The following TRIM36 variants were observed in gnomAD, a reference collection of about 807,000 sequenced individuals.
TRIM36 encodes tripartite motif containing 36, also known as E3 ubiquitin-protein ligase TRIM36.
TRIM36 carries 42 observed loss-of-function variants against 72.4 expected under a neutral mutation model. That is an observed-to-expected ratio of 0.58 (90% CI 0.45 to 0.75). TRIM36 has a LOEUF of 0.75. Ranked by LOEUF, TRIM36 falls within the 30% of genes least tolerant of loss-of-function variation. The pLI, the probability that TRIM36 is intolerant of heterozygous loss-of-function variation, is 0.00. For synonymous variants in TRIM36, 315 were observed against 282.8 expected (o/e 1.11, Z -1.14); for missense variants, 913 against 857.1 (o/e 1.07, Z -0.81).
chr5:115,163,628 G>C lies in TRIM36; in HGVS notation c.152C>G (p.Thr51Ser), dbSNP rs760007138. ...CHKCVKELLLTLDDSFNDVGS... is the reference protein window; with the variant it reads ...CHKCVKELLLSLDDSFNDVGS... ...CACATCGTTGAATGAATCATCGAGA[G>C]TCAGCAGGAGTTCTTTTACACATTT... Residue 51 changes from threonine to serine, a missense_variant, in exon 2 of 10, where the codon ACT becomes AGT. Coordinates refer to ENST00000513154, the MANE Select transcript of TRIM36 (RefSeq NM_001300759.2). The C allele has an allele frequency of 1.2e-6, 2 of 1,614,176 alleles. No individual in the cohort carries two copies. Among genetic ancestry groups the C allele is most frequent in the South Asian group, 1.1e-5 (1 of 91,084 alleles).
chr5:115,163,242 C>A (rs1304230285), intron 2 of TRIM36, among the ~76,000 whole-genome samples: 1 of 152,152 alleles, frequency 6.6e-6, no homozygotes, highest in Non-Finnish European at 1.5e-5. Context: ...CAGGTGTGAG[C>A]CACTGTGCCC....
chr5:115,150,619 C>T (rs758405013), intron 2 of TRIM36, among the ~76,000 whole-genome samples: 19 of 152,122 alleles, frequency 1.2e-4, no homozygotes, highest in Non-Finnish European at 1.9e-4. Flanking sequence ...TGCTCCAGAA[C>T]GACTACAGAA....
upstream of TRIM36, among the ~76,000 whole-genome samples, chr5:115,170,605 T>C (rs1179938130): frequency 2.0e-5 from 3 of 152,234 alleles, no homozygotes; most frequent in Non-Finnish European, 2.9e-5. Flanking sequence ...AGTCCCTGAC[T>C]GGGCACCGAG....
chr5:115,147,606 A>G (rs1753665782), intron 2 of TRIM36, among the ~76,000 whole-genome samples: 2 of 152,242 alleles, frequency 1.3e-5, no homozygotes, highest in Admixed American at 1.3e-4. Context: ...TCAAACAGCA[A>G]ATCAAAAAGG....
intron 2 of TRIM36, 34 bp downstream of exon 2, chr5:115,163,484 C>T: frequency 1.3e-6 from 2 of 1,572,838 alleles, no homozygotes; most frequent in Non-Finnish European, 8.8e-7. Flanking sequence ...AGCTTACCCC[C>T]ACTACCATCC....
upstream of TRIM36, among the ~76,000 whole-genome samples, chr5:115,174,782 A>T (rs1755262578): frequency 6.6e-6 from 1 of 152,214 alleles, no homozygotes; most frequent in Admixed American, 6.5e-5. Flanking sequence ...CTTCTCGACC[A>T]TTTAAGCTTT....
chr5:115,128,988 A>G (rs965295177), intron 9 of TRIM36, among the ~76,000 whole-genome samples: 5 of 152,054 alleles, frequency 3.3e-5, no homozygotes, highest in African/African-American at 4.8e-5. Context: ...CTATAGAAGT[A>G]TACAATTTTT....
At chr5:115,169,129 C>G (rs1049874002) in intron 1 of TRIM36, 137 of 156,810 alleles carry the variant, frequency 8.7e-4, no homozygotes, top group African/African-American at 3.2e-3. Flanking sequence ...GCCGGGGCCC[C>G]GGCCCGCCCC....
intron 5 of TRIM36, 35 bp from the exon 6 acceptor site, chr5:115,137,651 A>G (rs771254559): frequency 6.6e-7 from 1 of 1,525,920 alleles, no homozygotes; most frequent in Non-Finnish European, 8.7e-7. Context: ...ACACTAAGAT[A>G]AAACAAAGAA....
Position 115,155,617 on chromosome 5 carries a change from C to CT in TRIM36, c.262+7900dup, listed in dbSNP as rs1192216690. On this transcript the variant is annotated intron_variant, in intron 2 of 9. Transcript: ENST00000513154. ...AAGCATTTGACAAAATCTAGCATCCCTTTATGATTAAAACTCTCAGCAAAA... is the reference window on the plus strand; with the variant it reads ...AAGCATTTGACAAAATCTAGCATCCCTTTTATGATTAAAACTCTCAGCAAAA... 4.6e-5 allele frequency among the ~76,000 whole-genome samples: 7 copies of CT among 152,190 alleles called. No individual in the cohort carries two copies. In the East Asian group the frequency reaches 1.3e-3, roughly 29 times the overall value.
chr5:115,126,288 C>A lies in TRIM36; in HGVS notation c.*215G>T. ...GCAAAGTTAACCACTTCAGTATTAA[C>A]TTGGAAAGAACATCTTCACTTTCAT... On this transcript the variant is annotated 3_prime_UTR_variant, in exon 10 of 10. Coordinates refer to ENST00000513154, the MANE Select transcript of TRIM36 (RefSeq NM_001300759.2). 1.9e-6 allele frequency: 1 copy of A among 519,646 alleles called. No homozygotes were observed. Among genetic ancestry groups the A allele is most frequent in the Non-Finnish European group, 3.4e-6 (1 of 294,902 alleles). 32.2% of individuals were successfully genotyped at this position (519,646 alleles called of 1,614,324 possible). A position where few individuals can be genotyped will look rare whatever the true frequency, so the allele number is the denominator to read the frequency against.
chr5:115,171,058 T>C, upstream of TRIM36: 3 of 1,612,902 alleles, frequency 1.9e-6, no homozygotes, highest in Non-Finnish European at 1.7e-6. Context: ...ATGCCCTAAA[T>C]TGCTGGGTAA....
intron 7 of TRIM36, among the ~76,000 whole-genome samples, chr5:115,136,081 G>C (rs1290303220): frequency 6.6e-6 from 1 of 152,062 alleles, no homozygotes; most frequent in Admixed American, 6.6e-5. Flanking sequence ...CAAGTGTTAT[G>C]GACTGAATTG....
intron 2 of TRIM36, among the ~76,000 whole-genome samples, chr5:115,151,358 C>T (rs531930122): frequency 2.0e-5 from 3 of 152,298 alleles, no homozygotes; most frequent in South Asian, 2.1e-4. Flanking sequence ...CCCCAATCCC[C>T]GCAGCAGCTG....
At chr5:115,165,194 C>T (rs530135272) in intron 1 of TRIM36, among the ~76,000 whole-genome samples, 6 of 152,174 alleles carry the variant, frequency 3.9e-5, no homozygotes, top group Non-Finnish European at 7.3e-5. Flanking sequence ...ATGATGAAAG[C>T]TGTTGGTGGA....
Position 115,169,878 on chromosome 5 carries a change from G to A in TRIM36, c.-244C>T, listed in dbSNP as rs1469807731. 3.8e-6 allele frequency: 5 copies of A among 1,303,224 alleles called. No individual in the cohort carries two copies. The highest frequency in any genetic ancestry group is 3.1e-5 in the African/African-American group (2 of 64,902). 80.7% of individuals were successfully genotyped at this position (1,303,224 alleles called of 1,614,324 possible). On this transcript the variant is annotated 5_prime_UTR_variant, in exon 1 of 10. Transcript: ENST00000513154. Reference sequence around the variant, plus strand: ...ACTACCCCGGGAATCCCGCCCAGCTGCCGGCTGCAGCAGCGGCTCCTGCGG... The same window carrying A: ...ACTACCCCGGGAATCCCGCCCAGCTACCGGCTGCAGCAGCGGCTCCTGCGG...
At chr5:115,178,390 C>A (rs940212258) in intron 1 of TRIM36, among the ~76,000 whole-genome samples, 3 of 152,220 alleles carry the variant, frequency 2.0e-5, no homozygotes, top group Non-Finnish European at 2.9e-5. Flanking sequence ...TTCCCCTAGA[C>A]CTGGGCAGTC....
Position 115,144,753 on chromosome 5 carries a change from T to C in TRIM36, c.589-9A>G, listed in dbSNP as rs1753486527. 3.7e-6 allele frequency: 6 copies of C among 1,608,784 alleles called. No homozygotes were observed. In the East Asian group the frequency reaches 1.1e-4, roughly 30 times the overall value. On this transcript the variant is annotated splice_polypyrimidine_tract_variant and intron_variant, in intron 3 of 9. Coordinates refer to ENST00000513154, the MANE Select transcript of TRIM36 (RefSeq NM_001300759.2). ...TCTGGGCACATTAAAATCTATTGAGTAAAGAATAAAAGTGTGATTAAGGAT... is the reference window on the plus strand; with the variant it reads ...TCTGGGCACATTAAAATCTATTGAGCAAAGAATAAAAGTGTGATTAAGGAT...
At chr5:115,127,433 C>A (rs1185912452) in intron 9 of TRIM36, among the ~76,000 whole-genome samples, 2 of 152,130 alleles carry the variant, frequency 1.3e-5, no homozygotes, top group Non-Finnish European at 2.9e-5. Context: ...TGGTGGTGTA[C>A]GCTTGTAGTC....
Sources: allele counts gnomAD v4.1 joint callset (sites outside exome capture counted in the v4.1 genomes callset), GRCh38; gene constraint gnomAD v4.1.1; transcripts MANE v1.5; gene names NCBI Gene and HGNC (gene_info 2026-07-23, HGNC 2026-07-21).